The following PWWP3B variants were observed in gnomAD, a reference collection of about 807,000 sequenced individuals.
PWWP3B encodes PWWP domain containing 3B.
Under a neutral mutation model 15.7 loss-of-function variants are expected in PWWP3B, and 5 were observed. The observed-to-expected ratio is 0.32, with a 90% confidence interval of 0.17 to 0.67. The LOEUF is 0.67. Ranked by LOEUF, PWWP3B falls within the 30% of genes least tolerant of loss-of-function variation. The pLI, the probability that PWWP3B is intolerant of heterozygous loss-of-function variation, is 0.74. For missense variants in PWWP3B, 519 were observed against 493.1 expected, an observed-to-expected ratio of 1.05 and a Z score of -0.50; for synonymous variants, 203 against 179.8, an observed-to-expected ratio of 1.13 and a Z score of -1.03.
At chrX:106,186,846 G>A (rs1018722082) in intron 2 of PWWP3B, among the ~76,000 whole-genome samples, 2 of 111,627 alleles carry the variant, frequency 1.8e-5, no homozygotes, top group Non-Finnish European at 3.8e-5. Flanking sequence ...AGTGCTGACT[G>A]GTTCATTTTA....
At position 106,205,226 on chromosome X, in the gene PWWP3B, C is replaced by T. The variant is rs141667465; in HGVS notation, c.-207C>T. The T allele has an allele frequency of 1.9e-3, 649 of 335,774 alleles. 6 individuals are homozygous for T. Among genetic ancestry groups the T allele is most frequent in the African/African-American group, 0.016 (600 of 37,689 alleles). 27.7% of individuals were successfully genotyped at this position (335,774 alleles called of 1,213,427 possible). Reference sequence around the variant, plus strand: ...TCCTTTTCCCTGTTTCAGTATCTTCCGGTATCATCCTATTCAAACAACGTG... The same window carrying T: ...TCCTTTTCCCTGTTTCAGTATCTTCTGGTATCATCCTATTCAAACAACGTG... On this transcript the variant is annotated 5_prime_UTR_variant, in exon 4 of 4. Transcript: ENST00000357175.
intron 2 of PWWP3B, among the ~76,000 whole-genome samples, chrX:106,183,672 C>A (rs1368329002): frequency 1.8e-5 from 2 of 112,215 alleles, no homozygotes; most frequent in East Asian, 5.7e-4. Flanking sequence ...ACAGGCTGTC[C>A]CAGGATTCCT....
At chrX:106,197,247 G>A (rs1396707973) in intron 2 of PWWP3B, among the ~76,000 whole-genome samples, 2 of 111,935 alleles carry the variant, frequency 1.8e-5, no homozygotes, top group Non-Finnish European at 3.8e-5. Flanking sequence ...AACTGGGTTA[G>A]AGAGGGTTCC....
intron 2 of PWWP3B, among the ~76,000 whole-genome samples, chrX:106,182,857 G>A (rs368058398): frequency 9.0e-6 from 1 of 111,443 alleles, no homozygotes; most frequent in African/African-American, 3.3e-5. Context: ...GCTTATGTAG[G>A]TTTTCACTTA....
At position 106,207,659 on chromosome X, in the gene PWWP3B, T is replaced by G; in HGVS notation, c.*136T>G. 1 of 552,953 alleles carries G rather than the reference T, an allele frequency of 1.8e-6. No homozygotes were observed. The highest frequency in any genetic ancestry group is 2.7e-6 in the Non-Finnish European group (1 of 373,375). 45.6% of individuals were successfully genotyped at this position (552,953 alleles called of 1,213,427 possible). On this transcript the variant is annotated 3_prime_UTR_variant, in exon 4 of 4. Coordinates refer to ENST00000357175, the MANE Select transcript of PWWP3B (RefSeq NM_001171020.2). ...TGTGTTCACTTTTTTTTGAGATCTC[T>G]AGGATCTGTGGTTATAATTACATCT...
At position 106,206,064 on chromosome X, in the gene PWWP3B, A is replaced by C. The variant is rs778121527; in HGVS notation, c.632A>C (p.Lys211Thr). Residue 211 changes from lysine (K) to threonine (T), a missense_variant, in exon 4 of 4, where the codon AAG becomes ACG. By Grantham distance (78) the Lys-to-Thr change is moderately conservative. Coordinates refer to ENST00000357175, the MANE Select transcript of PWWP3B (RefSeq NM_001171020.2). ...AATGATGAAAAAGAGAACAAGAATAAGATTGATATCTCAGCAGTTATGTCT... is the reference window on the plus strand; with the variant it reads ...AATGATGAAAAAGAGAACAAGAATACGATTGATATCTCAGCAGTTATGTCT... ...EDNDEKENKN[K>T]IDISAVMSVH... is the part of the protein sequence containing the mutation. 3.3e-6 allele frequency: 4 copies of C among 1,209,469 alleles called. No homozygotes were observed. In the African/African-American group the frequency reaches 7.0e-5, roughly 21 times the overall value.
At chrX:106,188,591 C>A (rs1445359464) in intron 2 of PWWP3B, among the ~76,000 whole-genome samples, 3 of 111,991 alleles carry the variant, frequency 2.7e-5, no homozygotes, top group Non-Finnish European at 3.8e-5. Context: ...GAAAAATGTA[C>A]CATCATGTAA....
At chrX:106,179,965 G>A (rs895172630) in intron 2 of PWWP3B, among the ~76,000 whole-genome samples, 1 of 111,276 alleles carries the variant, frequency 9.0e-6, no homozygotes, top group Non-Finnish European at 1.9e-5. Flanking sequence ...TGACTCTCAC[G>A]AAACCCTTAA....
At chrX:106,170,072 A>G (rs1277118285) in intron 1 of PWWP3B, among the ~76,000 whole-genome samples, 2 of 112,227 alleles carry the variant, frequency 1.8e-5, no homozygotes, top group East Asian at 5.5e-4. Context: ...TAAAAATTTC[A>G]TTTTGAAAAG....
intron 2 of PWWP3B, among the ~76,000 whole-genome samples, chrX:106,190,695 T>G (rs898040056): frequency 8.9e-6 from 1 of 112,223 alleles, no homozygotes; most frequent in African/African-American, 3.2e-5. Flanking sequence ...ATGTAAGTCT[T>G]TAATCCATCT....
At chrX:106,200,748 CAT>C (rs1422960220) in intron 2 of PWWP3B, among the ~76,000 whole-genome samples, 1 of 111,634 alleles carries the variant, frequency 9.0e-6, no homozygotes, top group Non-Finnish European at 1.9e-5. Flanking sequence ...AACAACAAAA[CAT>C]AAGAAACAGA....
intron 2 of PWWP3B, among the ~76,000 whole-genome samples, chrX:106,195,103 A>G (rs1923296775): frequency 8.9e-6 from 1 of 111,897 alleles, no homozygotes; most frequent in South Asian, 3.7e-4. Flanking sequence ...TTACTTGCAT[A>G]TCCTCAATTA....
chrX:106,186,494 A>G (rs1922516638), intron 2 of PWWP3B, among the ~76,000 whole-genome samples: 1 of 111,164 alleles, frequency 9.0e-6, no homozygotes, highest in South Asian at 3.8e-4. Context: ...AATAGAACAG[A>G]ATAGCAAGAG....
intron 2 of PWWP3B, among the ~76,000 whole-genome samples, chrX:106,186,496 T>C (rs1922516881): frequency 1.8e-5 from 2 of 110,969 alleles, no homozygotes; most frequent in African/African-American, 3.3e-5. Flanking sequence ...TAGAACAGAA[T>C]AGCAAGAGAA....
chrX:106,184,863 G>A (rs1241433528), intron 2 of PWWP3B, among the ~76,000 whole-genome samples: 2 of 110,990 alleles, frequency 1.8e-5, no homozygotes, highest in Admixed American at 1.9e-4. Context: ...ATAACCGATA[G>A]CCCAGGGGTT....
chrX:106,183,145 A>G (rs957083893), intron 2 of PWWP3B, among the ~76,000 whole-genome samples: 2 of 111,060 alleles, frequency 1.8e-5, no homozygotes, highest in African/African-American at 6.6e-5. Flanking sequence ...TCCTTCCCAC[A>G]AAGAATCCAT....
At chrX:106,199,049 A>AT (rs776491785) in intron 2 of PWWP3B, among the ~76,000 whole-genome samples, 20,036 of 94,645 alleles carry the variant, frequency 0.21, 2,031 homozygotes, top group East Asian at 0.53. Flanking sequence ...TTTCATTGTA[A>AT]TTTTTTTTTT....
At chrX:106,177,801 G>A (rs1921978288) in intron 2 of PWWP3B, among the ~76,000 whole-genome samples, 1 of 111,949 alleles carries the variant, frequency 8.9e-6, no homozygotes, top group Non-Finnish European at 1.9e-5. Context: ...ATATGCCGTC[G>A]AGTGGTAACA....
intron 2 of PWWP3B, among the ~76,000 whole-genome samples, chrX:106,189,612 C>T (rs868198311): frequency 3.1e-3 from 230 of 75,164 alleles, no homozygotes; most frequent in Non-Finnish European, 3.6e-3. Context: ...GCCACATTTT[C>T]TTTTTTTTTT....
Sources: gnomAD v4.1 joint callset for allele counts (sites outside exome capture counted in the v4.1 genomes callset) on GRCh38, gnomAD v4.1.1 for gene constraint, MANE v1.5 for transcripts, NCBI Gene and HGNC (gene_info 2026-07-23, HGNC 2026-07-21) for gene names.